LNX1: variants seen among roughly 807,000 people sequenced by gnomAD.
The protein encoded by LNX1 is ligand of numb-protein X 1.
LNX1 carries 54 observed loss-of-function variants against 68.4 expected under a neutral mutation model. That is an observed-to-expected ratio of 0.79 (90% CI 0.63 to 0.99). The LOEUF (loss-of-function observed/expected upper bound fraction) is 0.99, where lower values mean the gene tolerates loss of function less well. Among genes scored for constraint, LNX1 ranks in the 50% least tolerant of loss-of-function variants. The pLI is 0.00. For missense variants in LNX1, 906 were observed against 926.4 expected, an observed-to-expected ratio of 0.98 and a Z score of 0.29; for synonymous variants, 336 against 350.0, an observed-to-expected ratio of 0.96 and a Z score of 0.45.
intron 9 of LNX1, among the ~76,000 whole-genome samples, chr4:53,472,458 G>A (rs1723265267): frequency 1.3e-5 from 2 of 151,664 alleles, no homozygotes; most frequent in South Asian, 2.1e-4. Context: ...TGCACGTTGT[G>A]CATATGTACC....
At chr4:53,598,719 G>A (rs576830855) in intron 2 of LNX1, among the ~76,000 whole-genome samples, 15 of 149,236 alleles carry the variant, frequency 1.0e-4, no homozygotes, top group East Asian at 1.9e-4. Context: ...GGGCTTACTC[G>A]TTGTTAAGTT....
chr4:53,593,074 T>C (rs1732587179), upstream of LNX1: 1 of 152,134 alleles, frequency 6.6e-6, no homozygotes, highest in South Asian at 2.1e-4. Context: ...GAAACTAAGG[T>C]AGGTGTGGCT....
chr4:53,464,607 A>G (rs927165400), intron 9 of LNX1, among the ~76,000 whole-genome samples: 5 of 132,906 alleles, frequency 3.8e-5, no homozygotes, highest in African/African-American at 1.1e-4. Context: ...GTCTATATGC[A>G]TACTTTGAAC....
chr4:53,517,830 T>G (rs975521568), intron 2 of LNX1, among the ~76,000 whole-genome samples: 1 of 152,152 alleles, frequency 6.6e-6, no homozygotes, highest in African/African-American at 2.4e-5. Context: ...TGAATATCAG[T>G]TGAGAAGTAA....
chr4:53,551,566 G>A (rs1466646742), intron 2 of LNX1, among the ~76,000 whole-genome samples: 3 of 152,084 alleles, frequency 2.0e-5, no homozygotes, highest in Non-Finnish European at 4.4e-5. Context: ...AACACACTGC[G>A]CACGCTCACC....
At chr4:53,616,194 CT>C (rs1180712822) in intron 2 of LNX1, among the ~76,000 whole-genome samples, 1 of 152,118 alleles carries the variant, frequency 6.6e-6, no homozygotes, top group Non-Finnish European at 1.5e-5. Flanking sequence ...CAGTATCTAT[CT>C]TTTTTCTAGT....
intron 4 of LNX1, among the ~76,000 whole-genome samples, chr4:53,504,608 A>C (rs1725738664): frequency 6.6e-6 from 1 of 152,250 alleles, no homozygotes; most frequent in Non-Finnish European, 1.5e-5. Flanking sequence ...GCTGTTTGGC[A>C]CGAGAGGCCT....
At chr4:53,590,515 A>AACAGAAGCAG (rs56303907) in intron 1 of LNX1, among the ~76,000 whole-genome samples, 1 of 151,812 alleles carries the variant, frequency 6.6e-6, no homozygotes, top group Non-Finnish European at 1.5e-5. Context: ...GGCTGTCAAG[A>AACAGAAGCAG]TACAGGCTGT....
At chr4:53,591,086 T>A (rs1484266227) in intron 1 of LNX1, among the ~76,000 whole-genome samples, 1 of 152,234 alleles carries the variant, frequency 6.6e-6, no homozygotes, top group Admixed American at 6.5e-5. Context: ...AAGCCTTCAC[T>A]CTACTTCTCT....
intron 2 of LNX1, among the ~76,000 whole-genome samples, chr4:53,530,525 A>G (rs557695199): frequency 1.8e-3 from 280 of 152,336 alleles, no homozygotes; most frequent in Non-Finnish European, 3.4e-3. Flanking sequence ...TCTTCAGTGA[A>G]ACACTTCATA....
At chr4:53,600,322 G>A (rs1304857111) in intron 2 of LNX1, among the ~76,000 whole-genome samples, 1 of 152,146 alleles carries the variant, frequency 6.6e-6, no homozygotes, top group Non-Finnish European at 1.5e-5. Context: ...AAAAGTCCTA[G>A]TAGGGAATGG....
intron 1 of LNX1, chr4:53,616,689 C>A (rs1314789940): frequency 6.6e-6 from 1 of 152,046 alleles, no homozygotes; most frequent in East Asian, 1.9e-4. Context: ...GCAGTAGCAG[C>A]AGCTAATATT....
At chr4:53,518,821 G>A (rs1379550477) in intron 2 of LNX1, among the ~76,000 whole-genome samples, 1 of 152,146 alleles carries the variant, frequency 6.6e-6, no homozygotes, top group Non-Finnish European at 1.5e-5. Context: ...GGGACGTAGG[G>A]AAAAGCATGG....
At chr4:53,618,658 A>G (rs575337754), upstream of LNX1, among the ~76,000 whole-genome samples, 28 of 152,314 alleles carry the variant, frequency 1.8e-4, no homozygotes, top group Admixed American at 3.9e-4. Flanking sequence ...CCTTGAAGGC[A>G]GTGCTGGCCA....
At chr4:53,532,266 A>T (rs1380589368) in intron 2 of LNX1, among the ~76,000 whole-genome samples, 1 of 152,146 alleles carries the variant, frequency 6.6e-6, no homozygotes, top group African/African-American at 2.4e-5. Flanking sequence ...ACCTGAGGTC[A>T]GGAGTTCAAG....
At chr4:53,493,744 C>T (rs1191809116) in intron 6 of LNX1, among the ~76,000 whole-genome samples, 1 of 152,210 alleles carries the variant, frequency 6.6e-6, no homozygotes, top group Non-Finnish European at 1.5e-5. Flanking sequence ...TGCCTATTCT[C>T]AAAGTATGAA....
chr4:53,560,118 A>G (rs1730180739), intron 2 of LNX1, among the ~76,000 whole-genome samples: 1 of 152,216 alleles, frequency 6.6e-6, no homozygotes, highest in Admixed American at 6.5e-5. Context: ...ATGGAGTTTC[A>G]CAAAGTCCTG....
intron 2 of LNX1, among the ~76,000 whole-genome samples, chr4:53,570,912 A>C (rs925728930): frequency 6.6e-6 from 1 of 151,890 alleles, no homozygotes; most frequent in African/African-American, 2.4e-5. Context: ...CTGTAGTCCC[A>C]ACTACTCTGG....
At position 53,495,548 on chromosome 4, in the gene LNX1, C is replaced by CTTTTTTTTTTTTT. The variant is rs199684639; in HGVS notation, c.1350+462_1350+474dup. ...GATCCCTGGAGAATGCATGGCATAG[C>CTTTTTTTTTTTTT]TTTTTTTTTTTTTAAGATGGGTCTT... On this transcript the variant is annotated intron_variant, in intron 6 of 10. Coordinates refer to ENST00000263925, the MANE Select transcript of LNX1 (RefSeq NM_001126328.3). 7.1e-3 allele frequency among the ~76,000 whole-genome samples: 848 copies of CTTTTTTTTTTTTT among 119,218 alleles called. 60 individuals are homozygous for CTTTTTTTTTTTTT. Among genetic ancestry groups the CTTTTTTTTTTTTT allele is most frequent in the African/African-American group, 0.022 (687 of 30,746 alleles). The allele number at this position is 119,218 out of a possible 152,430, so 78.2% of individuals were successfully genotyped here.
Sources: allele counts gnomAD v4.1 joint callset (sites outside exome capture counted in the v4.1 genomes callset), GRCh38; gene constraint gnomAD v4.1.1; transcripts MANE v1.5; gene names NCBI Gene and HGNC (gene_info 2026-07-23, HGNC 2026-07-21).